KCNQ5: variants seen among roughly 807,000 people sequenced by gnomAD.
KCNQ5 encodes potassium voltage-gated channel subfamily KQT member 5.
Under a neutral mutation model 98.2 loss-of-function variants are expected in KCNQ5, and 30 were observed. That is an observed-to-expected ratio of 0.31 (90% CI 0.23 to 0.41). The LOEUF (loss-of-function observed/expected upper bound fraction) is 0.41. KCNQ5 is among the 10% of genes least tolerant of loss of function. The probability of loss-of-function intolerance (pLI) is 1.00; values close to 1 mark genes in which losing one functional copy is unlikely to be tolerated. For missense variants in KCNQ5, 835 were observed against 1,182.5 expected (o/e 0.71, Z 4.31); for synonymous variants, 458 against 449.4 (o/e 1.02, Z -0.24).
At chr6:72,922,921 C>A (rs1428221835) in intron 1 of KCNQ5, among the ~76,000 whole-genome samples, 2 of 146,644 alleles carry the variant, frequency 1.4e-5, no homozygotes, top group African/African-American at 2.5e-5. Flanking sequence ...AAGTGATTCT[C>A]CTGCCTCAAC....
chr6:72,832,581 G>A lies in KCNQ5; in HGVS notation c.399-171327G>A, dbSNP rs561272007. 1.9e-3 allele frequency among the ~76,000 whole-genome samples: 293 copies of A among 152,210 alleles called. 2 individuals carry two copies. The highest frequency in any genetic ancestry group is 7.0e-3 in the African/African-American group (289 of 41,540). On this transcript the variant is annotated intron_variant, in intron 1 of 13. Transcript: ENST00000370398. ...TGTTTGCCAAAAGAAAATCCCTTCAGTGTCTTGTTTAGTCAAGCAAACTGT... is the reference window on the plus strand; with the variant it reads ...TGTTTGCCAAAAGAAAATCCCTTCAATGTCTTGTTTAGTCAAGCAAACTGT...
intron 11 of KCNQ5, among the ~76,000 whole-genome samples, chr6:73,175,349 C>T (rs2150508739): frequency 6.6e-6 from 1 of 152,144 alleles, no homozygotes; most frequent in Middle Eastern, 3.4e-3. Context: ...AGGTTTTCTC[C>T]ATGTTGGTCA....
chr6:72,695,216 A>G (rs1768423544), intron 1 of KCNQ5, among the ~76,000 whole-genome samples: 2 of 152,172 alleles, frequency 1.3e-5, no homozygotes, highest in East Asian at 3.8e-4. Flanking sequence ...CCGTCAAGAT[A>G]TTTGTACACA....
intron 1 of KCNQ5, among the ~76,000 whole-genome samples, chr6:72,939,135 C>A (rs557817885): frequency 1.3e-5 from 2 of 152,160 alleles, no homozygotes; most frequent in Non-Finnish European, 2.9e-5. Flanking sequence ...CATTACAGAA[C>A]GCTCAGTGCT....
chr6:72,748,181 G>T (rs1171799407), intron 1 of KCNQ5, among the ~76,000 whole-genome samples: 2 of 151,414 alleles, frequency 1.3e-5, no homozygotes, highest in African/African-American at 4.8e-5. Context: ...TGTGATAGTT[G>T]TTTGTTTGTT....
At chr6:72,766,046 G>T (rs1178798581) in intron 1 of KCNQ5, among the ~76,000 whole-genome samples, 1 of 152,058 alleles carries the variant, frequency 6.6e-6, no homozygotes, top group Non-Finnish European at 1.5e-5. Flanking sequence ...CTTATATTCA[G>T]TAGAGGATAT....
At chr6:73,179,290 G>A (rs1778325567) in intron 11 of KCNQ5, among the ~76,000 whole-genome samples, 1 of 152,172 alleles carries the variant, frequency 6.6e-6, no homozygotes, top group Non-Finnish European at 1.5e-5. Context: ...GGGACTCTCT[G>A]TGGCACCCTG....
chr6:73,044,455 T>C lies in KCNQ5; in HGVS notation c.616+2393T>C, dbSNP rs143052479. On this transcript the variant is annotated intron_variant, in intron 3 of 13. Coordinates refer to ENST00000370398, the MANE Select transcript of KCNQ5 (RefSeq NM_019842.4). Reference sequence around the variant, plus strand: ...CAAAGTCTAGATTTGTACTTACAGTTAGGATAATTATGAATTTTTTAGTCT... The same window carrying C: ...CAAAGTCTAGATTTGTACTTACAGTCAGGATAATTATGAATTTTTTAGTCT... 2.1e-3 allele frequency among the ~76,000 whole-genome samples: 316 copies of C among 152,318 alleles called. 1 individual carries two copies. The highest frequency in any genetic ancestry group is 7.1e-3 in the African/African-American group (296 of 41,574).
intron 7 of KCNQ5, among the ~76,000 whole-genome samples, chr6:73,116,244 A>T (rs962009406): frequency 6.6e-6 from 1 of 152,214 alleles, no homozygotes; most frequent in Non-Finnish European, 1.5e-5. Flanking sequence ...TAAAATGTTG[A>T]TAGGATGAAA....
intron 1 of KCNQ5, among the ~76,000 whole-genome samples, chr6:72,781,086 G>A (rs1376972125): frequency 6.6e-6 from 1 of 152,172 alleles, no homozygotes; most frequent in Non-Finnish European, 1.5e-5. Context: ...TGGAAATAGA[G>A]TCTTTGTGGA....
chr6:72,906,388 T>A (rs1779701520), intron 1 of KCNQ5, among the ~76,000 whole-genome samples: 1 of 152,202 alleles, frequency 6.6e-6, no homozygotes, highest in African/African-American at 2.4e-5. Flanking sequence ...ACGCTGGATT[T>A]GCACCCTCCC....
At chr6:73,085,890 A>G (rs1773970238) in intron 5 of KCNQ5, among the ~76,000 whole-genome samples, 2 of 152,204 alleles carry the variant, frequency 1.3e-5, no homozygotes, top group Non-Finnish European at 2.9e-5. Context: ...GAAATGTAAC[A>G]TTTTTGCTGT....
chr6:72,986,338 A>C (rs879324231), intron 1 of KCNQ5: 17 of 366,850 alleles, frequency 4.6e-5, no homozygotes, highest in Non-Finnish European at 6.5e-5. Context: ...GGAGGTGGGG[A>C]AGTTTGGTCC....
chr6:72,879,332 ACTC>A (rs1778548524), intron 1 of KCNQ5, among the ~76,000 whole-genome samples: 1 of 151,686 alleles, frequency 6.6e-6, no homozygotes, highest in Non-Finnish European at 1.5e-5. Context: ...ATAAGAAATC[ACTC>A]CTCTTCATTG....
At chr6:72,955,150 T>C (rs1287561491) in intron 1 of KCNQ5, among the ~76,000 whole-genome samples, 1 of 152,192 alleles carries the variant, frequency 6.6e-6, no homozygotes, top group African/African-American at 2.4e-5. Context: ...AAGCAATTGT[T>C]CCACAATTTT....
chr6:73,022,902 GAAGAACCTACTCTTCTGAGT>G (rs1415122799), intron 2 of KCNQ5, among the ~76,000 whole-genome samples: 1 of 152,174 alleles, frequency 6.6e-6, no homozygotes, highest in Non-Finnish European at 1.5e-5. Flanking sequence ...TTGAAACAGA[GAAGAACCTACTCTTCTGAGT>G]ACAGTCATTT....
At position 73,025,712 on chromosome 6, in the gene KCNQ5, C is replaced by T. The variant is rs532940607; in HGVS notation, c.490-16224C>T. Among the ~76,000 whole-genome samples the T allele has an allele frequency of 1.3e-3, 199 of 149,036 alleles. 1 individual carries two copies. Among genetic ancestry groups the T allele is most frequent in the African/African-American group, 4.9e-3 (196 of 40,386 alleles). ...TGTATTTTGGAAAGTATATAAAAAT[C>T]AAATATAAGATGGTTCTTCCCATAT... On this transcript the variant is annotated intron_variant, in intron 2 of 13. Coordinates refer to ENST00000370398, the MANE Select transcript of KCNQ5 (RefSeq NM_019842.4).
Position 73,008,147 on chromosome 6 carries a change from CA to C in KCNQ5, c.489+4159del, listed in dbSNP as rs557278064. Among the ~76,000 whole-genome samples the C allele has an allele frequency of 1.6e-3, 202 of 129,592 alleles. 1 individual carries two copies. Among genetic ancestry groups the C allele is most frequent in the African/African-American group, 4.2e-3 (147 of 34,836 alleles). The allele number at this position is 129,592 out of a possible 152,430, so 85.0% of individuals were successfully genotyped here. A position where few individuals can be genotyped will look rare whatever the true frequency, so the allele number is the denominator to read the frequency against. Reference sequence around the variant, plus strand: ...AGAAAGGAATTCAAACATTTCACTACAAAAAAAAAATGAACTAAACACAAAA... The same window carrying C: ...AGAAAGGAATTCAAACATTTCACTACAAAAAAAAATGAACTAAACACAAAA... On this transcript the variant is annotated intron_variant, in intron 2 of 13. Transcript: ENST00000370398.
At chr6:72,729,692 G>GTGT (rs1333973828) in intron 1 of KCNQ5, among the ~76,000 whole-genome samples, 1 of 152,188 alleles carries the variant, frequency 6.6e-6, no homozygotes, top group Non-Finnish European at 1.5e-5. Context: ...TCAACACTGT[G>GTGT]TGTTAACAAA....
Sources: gnomAD v4.1 joint callset for allele counts (sites outside exome capture counted in the v4.1 genomes callset) on GRCh38, gnomAD v4.1.1 for gene constraint, MANE v1.5 for transcripts, NCBI Gene and HGNC (gene_info 2026-07-23, HGNC 2026-07-21) for gene names.